FER1L6: variants seen among roughly 807,000 people sequenced by gnomAD.
The protein encoded by FER1L6 is fer-1 like family member 6.
FER1L6 carries 177 observed loss-of-function variants against 219.2 expected under a neutral mutation model. The observed-to-expected ratio is 0.81, with a 90% CI of 0.71 to 0.91. The LOEUF is 0.91. Among genes scored for constraint, FER1L6 ranks in the 40% least tolerant of loss-of-function variants. The pLI, the probability that FER1L6 is intolerant of heterozygous loss-of-function variation, is 0.00. For synonymous variants in FER1L6, 768 were observed against 824.3 expected, an observed-to-expected ratio of 0.93 and a Z score of 1.17; for missense variants, 2,153 against 2,259.9, an observed-to-expected ratio of 0.95 and a Z score of 0.96.
intron 39 of FER1L6, among the ~76,000 whole-genome samples, chr8:124,115,356 G>C (rs770666307): frequency 6.6e-6 from 1 of 151,974 alleles, no homozygotes; most frequent in Non-Finnish European, 1.5e-5. Context: ...CCAGAGCAGC[G>C]GCATTTATCG....
chr8:123,943,178 C>T (rs1426292200), intron 1 of FER1L6, among the ~76,000 whole-genome samples: 1 of 152,104 alleles, frequency 6.6e-6, no homozygotes, highest in African/African-American at 2.4e-5. Flanking sequence ...GTAAAGTGCT[C>T]AATAAATGTT....
At chr8:123,909,107 G>T (rs1202764458) in intron 1 of FER1L6, among the ~76,000 whole-genome samples, 1 of 152,162 alleles carries the variant, frequency 6.6e-6, no homozygotes, top group African/African-American at 2.4e-5. Context: ...CATAAACATT[G>T]TCAATGGATT....
At chr8:124,118,185 C>G (rs754948730) in intron 39 of FER1L6, among the ~76,000 whole-genome samples, 9 of 152,182 alleles carry the variant, frequency 5.9e-5, no homozygotes, top group Admixed American at 1.3e-4. Flanking sequence ...GAAAATGGCT[C>G]TTAACTTTTG....
chr8:124,022,250 G>A (rs534218330), intron 17 of FER1L6, among the ~76,000 whole-genome samples: 1 of 152,170 alleles, frequency 6.6e-6, no homozygotes, highest in Non-Finnish European at 1.5e-5. Flanking sequence ...CATATTACTC[G>A]GTGAGACAGG....
At chr8:124,116,615 C>A (rs986035457) in intron 39 of FER1L6, among the ~76,000 whole-genome samples, 1 of 152,226 alleles carries the variant, frequency 6.6e-6, no homozygotes, top group African/African-American at 2.4e-5. Context: ...AACAAAGGGG[C>A]AGCTGCAATC....
intron 33 of FER1L6, among the ~76,000 whole-genome samples, chr8:124,083,566 T>C (rs1821666279): frequency 6.6e-6 from 1 of 152,162 alleles, no homozygotes; most frequent in Non-Finnish European, 1.5e-5. Flanking sequence ...GGTTCTCTAT[T>C]CTGTTCCAAA....
chr8:124,015,607 A>ATATATATATATATATATATATATATG (rs71289634), intron 15 of FER1L6, among the ~76,000 whole-genome samples: 5 of 88,606 alleles, frequency 5.6e-5, no homozygotes, highest in African/African-American at 1.3e-4. Flanking sequence ...ATATATATAT[A>ATATATATATATATATATATATATATG]TATATATATT....
chr8:123,884,999 G>C (rs1817174179), intron 1 of FER1L6, among the ~76,000 whole-genome samples: 1 of 152,200 alleles, frequency 6.6e-6, no homozygotes, highest in Admixed American at 6.5e-5. Flanking sequence ...TAAAAAAAGA[G>C]AAAAGAACCA....
chr8:123,884,149 A>G (rs6980985), intron 1 of FER1L6, among the ~76,000 whole-genome samples: 89,710 of 152,130 alleles, frequency 0.59, 26,609 homozygotes, highest in South Asian at 0.75. Flanking sequence ...ACCTCTGCCT[A>G]GGCAGCCTAG....
rs368208328 is a variant in FER1L6 at position 123,855,681 on chromosome 8, ATG to A, written c.-8+3516_-8+3517del. On this transcript the variant is annotated intron_variant, in intron 1 of 40. Transcript: ENST00000522917. ...AGGAGACTTTTAAAGTGAAAACCAT[ATG>A]TGTGTGTGTGTGTGTGTGTATATGT... Among the ~76,000 whole-genome samples, 479 of 97,410 alleles carry A rather than the reference ATG, an allele frequency of 4.9e-3. 1 individual carries two copies. The highest frequency in any genetic ancestry group is 0.046 in the East Asian group (84 of 1,808). 63.9% of individuals were successfully genotyped at this position (97,410 alleles called of 152,430 possible).
At chr8:124,006,534 A>G (rs1422042179) in intron 13 of FER1L6, among the ~76,000 whole-genome samples, 1 of 152,220 alleles carries the variant, frequency 6.6e-6, no homozygotes, top group Non-Finnish European at 1.5e-5. Context: ...ATATATATGA[A>G]CACACACAAT....
At chr8:124,095,102 A>G (rs1822223085) in intron 35 of FER1L6, 64 bp downstream of exon 35, 2 of 1,587,648 alleles carry the variant, frequency 1.3e-6, no homozygotes, top group Admixed American at 1.8e-5. Flanking sequence ...AATGGTTTTC[A>G]TCCAGGAACA....
intron 20 of FER1L6, 78 bp downstream of exon 20, chr8:124,040,084 A>T: frequency 1.3e-6 from 2 of 1,582,352 alleles, no homozygotes; most frequent in Non-Finnish European, 1.7e-6. Flanking sequence ...GGAAAGAAAC[A>T]ACGGGGGCAT....
intron 32 of FER1L6, among the ~76,000 whole-genome samples, chr8:124,076,735 G>A (rs982043853): frequency 1.3e-5 from 2 of 152,236 alleles, no homozygotes; most frequent in Non-Finnish European, 1.5e-5. Context: ...TTATAAACAA[G>A]GCAGCCAAGG....
chr8:124,012,090 T>C (rs1817961590), intron 14 of FER1L6, among the ~76,000 whole-genome samples: 1 of 152,174 alleles, frequency 6.6e-6, no homozygotes, highest in Non-Finnish European at 1.5e-5. Context: ...CCTACTCCCG[T>C]GCTCCCTCTA....
intron 13 of FER1L6, among the ~76,000 whole-genome samples, chr8:124,010,178 G>T (rs573701932): frequency 6.7e-6 from 1 of 150,002 alleles, no homozygotes; most frequent in African/African-American, 2.5e-5. Flanking sequence ...TGTAGTTCAA[G>T]GGTTCGGAAG....
Position 123,973,557 on chromosome 8 carries a change from T to A in FER1L6, c.526+45T>A, listed in dbSNP as rs1193184330. 4 of 1,431,176 alleles carry A rather than the reference T, an allele frequency of 2.8e-6. No homozygotes were observed. The Admixed American group carries it at 6.7e-5, about 24-fold the overall frequency. The allele number at this position is 1,431,176 out of a possible 1,614,324, so 88.7% of individuals were successfully genotyped here. On this transcript the variant is annotated intron_variant, in intron 7 of 40. Transcript: ENST00000522917. ...CCATCTGTATCTCACTTGTCTTTGG[T>A]TTATAGCACCTGGAGTCATCCCATT... is the stretch of plus-strand genomic sequence containing the variant.
rs755315061 is a variant in FER1L6, at chr8:123,980,560, T to A, written c.1159T>A (p.Phe387Ile). The A allele has an allele frequency of 3.1e-6, 5 of 1,614,088 alleles. No individual in the cohort carries two copies. Among genetic ancestry groups the A allele is most frequent in the Non-Finnish European group, 4.2e-6 (5 of 1,179,992 alleles). ...TGACTACCAGGAAATGAACGAAGGC[T>A]TTGGGGAAGGTGTGTCATTCAGGGG... Reference protein sequence around the residue: ...MDDYQEMNEGFGEGVSFRGRI... With the variant: ...MDDYQEMNEGIGEGVSFRGRI... The change falls in exon 11 of 41, where the codon TTT becomes ATT. Residue 387 changes from phenylalanine (F) to isoleucine (I), a missense_variant. Transcript: ENST00000522917.
rs1586483273 is a variant in FER1L6, at chr8:123,934,063, G to A, written c.-7-21929G>A. Among the ~76,000 whole-genome samples, 3 of 151,854 alleles carry A rather than the reference G, an allele frequency of 2.0e-5. No homozygotes were observed. The South Asian group carries it at 6.3e-4, about 32-fold the overall frequency. On this transcript the variant is annotated intron_variant, in intron 1 of 40. Coordinates refer to ENST00000522917, the MANE Select transcript of FER1L6 (RefSeq NM_001039112.2). ...TCCTAAGAACAAGGGGATCCTCTTGGCCACAATACTCCCTCCACTCCACTC... is the reference window on the plus strand; with the variant it reads ...TCCTAAGAACAAGGGGATCCTCTTGACCACAATACTCCCTCCACTCCACTC...
Sources: allele counts gnomAD v4.1 joint callset (sites outside exome capture counted in the v4.1 genomes callset), GRCh38; gene constraint gnomAD v4.1.1; transcripts MANE v1.5; gene names NCBI Gene and HGNC (gene_info 2026-07-23, HGNC 2026-07-21).